The following AIM2 variants were observed in gnomAD, a reference collection of about 807,000 sequenced individuals.
AIM2 encodes the protein interferon-inducible protein AIM2.
AIM2 carries 30 observed loss-of-function variants against 27.7 expected under a neutral mutation model. The ratio of observed to expected loss-of-function variants is 1.08; its 90% confidence interval spans 0.81 to 1.47. The LOEUF is 1.47. Among genes scored for constraint, AIM2 ranks in the 40% most tolerant of loss-of-function variants. The probability of loss-of-function intolerance (pLI) is 0.00; values close to 1 mark genes in which losing one functional copy is unlikely to be tolerated. For synonymous variants in AIM2, 141 were observed against 145.3 expected (o/e 0.97, Z 0.21); for missense variants, 358 against 411.3 (o/e 0.87, Z 1.12).
chr1:159,127,996 A>G (rs1378128574), intron 1 of AIM2, among the ~76,000 whole-genome samples: 1 of 152,104 alleles, frequency 6.6e-6, no homozygotes, highest in Non-Finnish European at 1.5e-5. Context: ...TCCCTTCATA[A>G]CAAACTCATT....
rs1007811274 is a variant in AIM2 at position 159,109,243 on chromosome 1, G to A, written c.-16+31188C>T. On this transcript the variant is annotated intron_variant, in intron 1 of 2. Transcript: ENST00000368129. The stretch of plus-strand genomic sequence containing the variant: ...GCAATGGAACAGAATAGAGAACCCA[G>A]AAATAAACCCAAATACTTACAGCCA... 2.0e-5 allele frequency among the ~76,000 whole-genome samples: 3 copies of A among 152,240 alleles called. No individual in the cohort carries two copies. In the East Asian group the frequency reaches 5.8e-4, roughly 29 times the overall value.
chr1:159,100,439 G>T (rs1289648511), intron 1 of AIM2, among the ~76,000 whole-genome samples: 1 of 152,190 alleles, frequency 6.6e-6, no homozygotes, highest in Non-Finnish European at 1.5e-5. Context: ...AAGGGAAAGA[G>T]GGAGGAAGGA....
intron 1 of AIM2, among the ~76,000 whole-genome samples, chr1:159,104,260 A>G (rs574249892): frequency 3.3e-4 from 50 of 152,286 alleles, no homozygotes; most frequent in African/African-American, 1.2e-3. Flanking sequence ...TGATATTGAA[A>G]CAATATGGTA....
chr1:159,056,621 C>T, the AIM2 span, among the ~76,000 whole-genome samples: 1 of 133,784 alleles, frequency 7.5e-6, no homozygotes, highest in Non-Finnish European at 1.5e-5. Flanking sequence ...TATTAGAAAA[C>T]ATGTATCTAA....
At chr1:159,103,669 A>T (rs1357390681) in intron 1 of AIM2, among the ~76,000 whole-genome samples, 2 of 152,200 alleles carry the variant, frequency 1.3e-5, no homozygotes, top group African/African-American at 2.4e-5. Context: ...CTTACCATTG[A>T]CTAGAATACA....
At chr1:159,083,431 T>A (rs1188058435) in intron 1 of AIM2, among the ~76,000 whole-genome samples, 1 of 151,916 alleles carries the variant, frequency 6.6e-6, no homozygotes, top group Non-Finnish European at 1.5e-5. Flanking sequence ...GAATTGGGAG[T>A]GGTAAGGTAT....
At chr1:159,099,045 G>GA (rs1156908104) in intron 1 of AIM2, among the ~76,000 whole-genome samples, 3 of 151,360 alleles carry the variant, frequency 2.0e-5, no homozygotes, top group African/African-American at 7.3e-5. Flanking sequence ...TCACTCTGGA[G>GA]AAAGTTCAAG....
intron 1 of AIM2, among the ~76,000 whole-genome samples, chr1:159,121,671 T>G (rs967027138): frequency 1.3e-5 from 2 of 152,148 alleles, no homozygotes; most frequent in African/African-American, 2.4e-5. Flanking sequence ...AGGTAATGAC[T>G]GCAGGGTGCT....
chr1:159,096,925 T>TG (rs1388701845), intron 1 of AIM2, among the ~76,000 whole-genome samples: 3 of 152,068 alleles, frequency 2.0e-5, no homozygotes, highest in Non-Finnish European at 2.9e-5. Flanking sequence ...CCTTCGATAT[T>TG]GTCACCTGCT....
chr1:159,144,431 C>T (rs548212867), upstream of AIM2, among the ~76,000 whole-genome samples: 83 of 152,032 alleles, frequency 5.5e-4, no homozygotes, highest in African/African-American at 1.8e-3. Flanking sequence ...TTGATAGTGT[C>T]GATAATGTCT....
chr1:159,065,806 G>T, intron 4 of AIM2, 104 bp downstream of exon 4: 3 of 1,209,874 alleles, frequency 2.5e-6, no homozygotes, highest in African/African-American at 1.5e-5. Context: ...TTTTTATTTT[G>T]TCTATATAGA....
chr1:159,112,432 A>C (rs1353920656), intron 1 of AIM2, among the ~76,000 whole-genome samples: 7 of 152,238 alleles, frequency 4.6e-5, no homozygotes, highest in African/African-American at 1.7e-4. Flanking sequence ...AGATATAAAC[A>C]AAAATTGAGA....
chr1:159,059,101 T>A (rs1056553296), downstream of AIM2, among the ~76,000 whole-genome samples: 4 of 152,188 alleles, frequency 2.6e-5, no homozygotes, highest in African/African-American at 9.7e-5. Flanking sequence ...AAAAGAGACG[T>A]TAAAGTTTAC....
chr1:159,119,288 G>T (rs1241299386), intron 1 of AIM2, among the ~76,000 whole-genome samples: 1 of 151,730 alleles, frequency 6.6e-6, no homozygotes, highest in Non-Finnish European at 1.5e-5. Flanking sequence ...ATACAAACAG[G>T]GTGCAGCTTA....
At chr1:159,075,605 TATATATAG>T (rs1375065679) in intron 1 of AIM2, among the ~76,000 whole-genome samples, 12 of 150,476 alleles carry the variant, frequency 8.0e-5, no homozygotes, top group African/African-American at 2.7e-4. Flanking sequence ...GCTATATATA[TATATATAG>T]AGAGAGAGAG....
At chr1:159,111,057 C>T (rs1405426937) in intron 1 of AIM2, among the ~76,000 whole-genome samples, 1 of 152,048 alleles carries the variant, frequency 6.6e-6, no homozygotes, top group African/African-American at 2.4e-5. Flanking sequence ...TAGTATTTAG[C>T]ATCTACAATG....
chr1:159,057,084 G>A, the AIM2 span, among the ~76,000 whole-genome samples: 1 of 152,126 alleles, frequency 6.6e-6, no homozygotes, highest in African/African-American at 2.4e-5. Flanking sequence ...ATGAGGGAGA[G>A]AAGGAAGAGC....
downstream of AIM2, among the ~76,000 whole-genome samples, chr1:159,060,610 A>T (rs1655802065): frequency 6.6e-6 from 1 of 152,204 alleles, no homozygotes; most frequent in Non-Finnish European, 1.5e-5. Flanking sequence ...TCTTTACTAT[A>T]CTTTTGCCCT....
At chr1:159,107,830 T>C (rs1317039937) in intron 1 of AIM2, among the ~76,000 whole-genome samples, 1 of 152,144 alleles carries the variant, frequency 6.6e-6, no homozygotes, top group African/African-American at 2.4e-5. Flanking sequence ...CCTGGAAAGA[T>C]GTAACTCTCC....
Sources: gnomAD v4.1 joint callset for allele counts (sites outside exome capture counted in the v4.1 genomes callset) on GRCh38, gnomAD v4.1.1 for gene constraint, MANE v1.5 for transcripts, NCBI Gene and HGNC (gene_info 2026-07-23, HGNC 2026-07-21) for gene names.